The following SLC22A25 variants were observed in gnomAD, a reference collection of about 807,000 sequenced individuals.
The protein encoded by SLC22A25 is MGI:2442751, MGI:2385316, MGI:3042283, MGI:3645714, MGI:3605624, MGI:2442750.
SLC22A25 carries 44 observed loss-of-function variants against 45.9 expected under a neutral mutation model. The observed-to-expected ratio is 0.96, with a 90% CI of 0.75 to 1.23. SLC22A25 has a LOEUF of 1.23. Ranked by LOEUF, SLC22A25 falls within the 50% of genes most tolerant of loss-of-function variation. The probability of loss-of-function intolerance (pLI) is 0.00; values close to 1 mark genes in which losing one functional copy is unlikely to be tolerated. For missense variants in SLC22A25, 800 were observed against 666.4 expected, an observed-to-expected ratio of 1.20 and a Z score of -2.21; for synonymous variants, 283 against 238.6, an observed-to-expected ratio of 1.19 and a Z score of -1.72.
intron 9 of SLC22A25, chr11:63,167,989 G>A (rs1190458577): frequency 5.2e-6 from 2 of 382,188 alleles, no homozygotes; most frequent in Admixed American, 2.9e-5. Flanking sequence ...AATCTTTGCT[G>A]TTCTGCAACC....
rs768386787 is a variant in SLC22A25 at position 63,229,416 on chromosome 11, G to A, written c.237C>T (p.Phe79=). 54 of 1,613,784 alleles carry A rather than the reference G, an allele frequency of 3.3e-5. No homozygotes were observed. The highest frequency in any genetic ancestry group is 9.3e-5 in the African/African-American group (7 of 74,898). Residue 79 remains phenylalanine, a synonymous_variant, in exon 4 of 12, where the codon TTC becomes TTT. Coordinates refer to ENST00000306494, the MANE Select transcript of SLC22A25 (RefSeq NM_199352.6). ...ACTTCTCTGGCCTCAGATTTGAGTC[G>A]AATGGGATGGAGATTCTCAGGAGGG... ...QDALLRISIP[F]DSNLRPEKCR...
chr11:63,185,615 C>T (rs536488166), intron 7 of SLC22A25, among the ~76,000 whole-genome samples: 1 of 149,238 alleles, frequency 6.7e-6, no homozygotes, highest in African/African-American at 2.5e-5. Context: ...CATATGTATA[C>T]ATGTGCCATG....
At chr11:63,235,100 G>A (rs902356181) in intron 3 of SLC22A25, among the ~76,000 whole-genome samples, 1 of 151,996 alleles carries the variant, frequency 6.6e-6, no homozygotes, top group Non-Finnish European at 1.5e-5. Flanking sequence ...TTCAACTTTG[G>A]TGAATCTGAT....
At chr11:63,217,153 A>G (rs1229383040) in intron 7 of SLC22A25, among the ~76,000 whole-genome samples, 161 bp downstream of exon 7, 1 of 152,202 alleles carries the variant, frequency 6.6e-6, no homozygotes, top group Non-Finnish European at 1.5e-5. Context: ...TAATTTCATC[A>G]GGAAACCCTT....
chr11:63,190,374 G>A (rs978074472), intron 7 of SLC22A25, among the ~76,000 whole-genome samples: 35 of 151,922 alleles, frequency 2.3e-4, no homozygotes, highest in Middle Eastern at 3.2e-3. Flanking sequence ...TGTAGTTCTC[G>A]TGTCGTGGTT....
At chr11:63,201,388 CA>C (rs2089238620) in intron 7 of SLC22A25, among the ~76,000 whole-genome samples, 1 of 152,110 alleles carries the variant, frequency 6.6e-6, no homozygotes, top group Non-Finnish European at 1.5e-5. Context: ...ACAAAACTGA[CA>C]AAAACAAGCA....
intron 7 of SLC22A25, among the ~76,000 whole-genome samples, chr11:63,212,060 C>T (rs1028064768): frequency 1.5e-4 from 23 of 152,036 alleles, no homozygotes; most frequent in African/African-American, 3.1e-4. Context: ...AAAAGACACA[C>T]GAAAAAATGC....
intron 7 of SLC22A25, among the ~76,000 whole-genome samples, chr11:63,192,820 T>C (rs2317089): frequency 0.49 from 74,947 of 151,900 alleles, 19,061 homozygotes; most frequent in African/African-American, 0.61. Flanking sequence ...AATGCAGGAG[T>C]ACCCAAATTC....
At position 63,226,556 on chromosome 11, in the gene SLC22A25, G is replaced by A. The variant is rs1335985355; in HGVS notation, c.506+1905C>T. Among the ~76,000 whole-genome samples the A allele has an allele frequency of 2.0e-5, 3 of 152,168 alleles. No individual in the cohort carries two copies. The East Asian group carries it at 5.8e-4, about 29-fold the overall frequency. On this transcript the variant is annotated intron_variant, in intron 5 of 11. Coordinates refer to ENST00000306494, the MANE Select transcript of SLC22A25 (RefSeq NM_199352.6). ...AGTGATGGGATGACAAAAACTCCCT[G>A]AGGCCACTACCACTAGGACTGTCCT...
In SLC22A25 at chr11:63,217,699, G is replaced by A. The variant is rs61746630; in HGVS notation, c.543C>T (p.Leu181=). The A allele has an allele frequency of 5.6e-3, 9,008 of 1,613,682 alleles. 43 individuals are homozygous for A. Among genetic ancestry groups the A allele is most frequent in the Non-Finnish European group, 6.3e-3 (7,424 of 1,179,906 alleles). ...GRKFVLRWSY[L]QLAIVGTCAA... is the part of the protein sequence containing the mutation. Reference sequence around the variant, plus strand: ...CACAGGTGCCTACAATGGCGAGCTGGAGGTAAGACCATCTGAGCACGAACT... The same window carrying A: ...CACAGGTGCCTACAATGGCGAGCTGAAGGTAAGACCATCTGAGCACGAACT... The change falls in exon 6 of 12, where the codon CTC becomes CTT. Residue 181 remains leucine (L), a synonymous_variant. Transcript: ENST00000306494.
chr11:63,180,703 T>A lies in SLC22A25; in HGVS notation c.1027A>T (p.Ile343Leu), dbSNP rs1466277339. The A allele has an allele frequency of 3.1e-6, 5 of 1,613,256 alleles. No homozygotes were observed. Among genetic ancestry groups the A allele is most frequent in the Non-Finnish European group, 4.2e-6 (5 of 1,179,528 alleles). The change falls in exon 9 of 12, where the codon ATA becomes TTA. Residue 343 changes from isoleucine to leucine, a missense_variant. Coordinates refer to ENST00000306494, the MANE Select transcript of SLC22A25 (RefSeq NM_199352.6). ...CAGATTCTTTTACATATGTTGGGTA[T>A]GCGGAGCAATTCACAAAGAGAATGC... Reference protein sequence around the residue: ...KKHSLCELLRIPNICKRICFL... With the variant: ...KKHSLCELLRLPNICKRICFL...
chr11:63,237,488 A>G (rs2090184527), intron 3 of SLC22A25, among the ~76,000 whole-genome samples: 1 of 152,142 alleles, frequency 6.6e-6, no homozygotes, highest in Admixed American at 6.5e-5. Context: ...ATACAGCACA[A>G]AGTTACTCAT....
At chr11:63,166,769 G>A (rs1224355307) in intron 9 of SLC22A25, 1 of 985,658 alleles carries the variant, frequency 1.0e-6, no homozygotes, top group African/African-American at 1.7e-5. Flanking sequence ...ATGGTCTTGT[G>A]TAGCAAATCT....
At chr11:63,218,052 T>C (rs1215419647) in intron 5 of SLC22A25, 3 of 529,962 alleles carry the variant, frequency 5.7e-6, no homozygotes, top group Non-Finnish European at 1.1e-5. Flanking sequence ...GAAGACAAAT[T>C]GTTCTACCAA....
Position 63,166,060 on chromosome 11 carries a change from G to C in SLC22A25, c.1269C>G (p.Ile423Met), listed in dbSNP as rs752721223. 4 of 1,613,888 alleles carry C rather than the reference G, an allele frequency of 2.5e-6. No individual in the cohort carries two copies. The highest frequency in any genetic ancestry group is 1.1e-5 in the South Asian group (1 of 91,062). ...TTTTCTCACCTTGAGGCACAAATAT[G>C]ATGGCCAGAAGGCAGGTTGCCAGTA... Reference protein sequence around the residue: ...MFLLATCLLAIIFVPQEMQTL... With the variant: ...MFLLATCLLAMIFVPQEMQTL... Residue 423 changes from isoleucine to methionine, a missense_variant, in exon 10 of 12, where the codon ATC (isoleucine) becomes ATG (methionine). Physicochemically the swap from Ile to Met is conservative, Grantham distance 10. Transcript: ENST00000306494.
chr11:63,168,711 A>T (rs1486050837), intron 9 of SLC22A25, among the ~76,000 whole-genome samples: 2 of 152,178 alleles, frequency 1.3e-5, no homozygotes, highest in Non-Finnish European at 2.9e-5. Context: ...TGAAAGTGAC[A>T]GGGAGAATAA....
intron 9 of SLC22A25, among the ~76,000 whole-genome samples, chr11:63,172,278 A>C (rs1416434644): frequency 5.9e-5 from 9 of 152,200 alleles, no homozygotes; most frequent in Non-Finnish European, 1.3e-4. Context: ...TTGCAACAAA[A>C]GCCAAAATTG....
chr11:63,203,855 A>T (rs1161355004), intron 7 of SLC22A25, among the ~76,000 whole-genome samples: 4 of 152,182 alleles, frequency 2.6e-5, no homozygotes, highest in African/African-American at 9.7e-5. Flanking sequence ...ACAGATAAGC[A>T]TCAGATTCAG....
rs1471675131 is a variant in SLC22A25 at position 63,228,476 on chromosome 11, C to A, written c.491G>T (p.Gly164Val). ...AGACACTCACCTGTCTGACAAATGGCCATATAGGTTGCCTCCCACCATCAT... is the reference window on the plus strand; with the variant it reads ...AGACACTCACCTGTCTGACAAATGGACATATAGGTTGCCTCCCACCATCAT... ...AGMMVGGNLY[G>V]HLSDRFGRKF... The change falls in exon 5 of 12, where the codon GGC (glycine) becomes GTC (valine). Residue 164 changes from glycine (G) to valine (V), a missense_variant. Physicochemically the swap from Gly to Val is moderately radical, Grantham distance 109. Coordinates refer to ENST00000306494, the MANE Select transcript of SLC22A25 (RefSeq NM_199352.6). The A allele has an allele frequency of 6.2e-7, 1 of 1,612,232 alleles. No homozygotes were observed. The highest frequency in any genetic ancestry group is 1.7e-5 in the Admixed American group (1 of 59,960).
Sources: gnomAD v4.1 joint callset for allele counts (sites outside exome capture counted in the v4.1 genomes callset) on GRCh38, gnomAD v4.1.1 for gene constraint, MANE v1.5 for transcripts, NCBI Gene and HGNC (gene_info 2026-07-23, HGNC 2026-07-21) for gene names.